The following RAB44 variants were observed in gnomAD, a reference collection of about 807,000 sequenced individuals.
The protein encoded by RAB44 is RAB44, member RAS oncogene family, also known as ras-related protein Rab-44.
Under a neutral mutation model 93.3 loss-of-function variants are expected in RAB44, and 67 were observed. That is an observed-to-expected ratio of 0.72 (90% CI 0.59 to 0.88). The LOEUF (loss-of-function observed/expected upper bound fraction) is 0.88, where lower values mean the gene tolerates loss of function less well. RAB44 is among the 40% of genes least tolerant of loss of function. RAB44 has a pLI of 0.00. For synonymous variants in RAB44, 427 were observed against 520.3 expected (o/e 0.82, Z 2.44); for missense variants, 1,064 against 1,261.7 (o/e 0.84, Z 2.37).
Position 36,730,759 on chromosome 6 carries a change from G to GGCCGGCCCC in RAB44, c.2975+10_2975+11insGCCGGCCCC. On this transcript the variant is annotated intron_variant, in intron 13 of 13. Coordinates refer to ENST00000612677, the MANE Select transcript of RAB44 (RefSeq NM_001257357.2). ...TAGTAAACCTGGCCAGGTAAGTGCTGCCCGCCCCCCGCCGCCCCCACCCCC... is the reference window on the plus strand; with the variant it reads ...TAGTAAACCTGGCCAGGTAAGTGCTGGCCGGCCCCCCCGCCCCCCGCCGCCCCCACCCCC... 8.3e-7 allele frequency: 1 copy of GGCCGGCCCC among 1,203,334 alleles called. No homozygotes were observed. The highest frequency in any genetic ancestry group is 1.0e-6 in the Non-Finnish European group (1 of 974,732). The allele number at this position is 1,203,334 out of a possible 1,614,324, so 74.5% of individuals were successfully genotyped here.
rs1763077893 is a variant in RAB44 at position 36,721,469 on chromosome 6, T to G, written c.1335T>G (p.Asn445Lys). Reference protein sequence around the residue: ...PPGVTFSAKDNKGVDPHEQDI... With the variant: ...PPGVTFSAKDKKGVDPHEQDI... ...GGGTGACTTTCAGCGCCAAGGACAA[T>G]AAAGGAGTGGACCCACATGAGCAGG... Residue 445 changes from asparagine (N) to lysine (K), a missense_variant, in exon 9 of 14, where the codon AAT becomes AAG. Coordinates refer to ENST00000612677, the MANE Select transcript of RAB44 (RefSeq NM_001257357.2). 3.2e-6 allele frequency: 4 copies of G among 1,234,080 alleles called. No homozygotes were observed. Among genetic ancestry groups the G allele is most frequent in the Non-Finnish European group, 4.0e-6 (4 of 988,238 alleles). The allele number at this position is 1,234,080 out of a possible 1,614,324, so 76.4% of individuals were successfully genotyped here. A position where few individuals can be genotyped will look rare whatever the true frequency, so the allele number is the denominator to read the frequency against.
intron 4 of RAB44, among the ~76,000 whole-genome samples, chr6:36,716,879 C>A (rs1436588472): frequency 3.3e-5 from 5 of 152,160 alleles, no homozygotes; most frequent in African/African-American, 1.2e-4. Flanking sequence ...TCCCCAGTGA[C>A]CTTGCTTGGC....
At chr6:36,718,408 G>T (rs1175330368) in intron 6 of RAB44, 85 bp from the exon 7 acceptor site, 40 of 667,908 alleles carry the variant, frequency 6.0e-5, no homozygotes, top group Non-Finnish European at 2.1e-6. Flanking sequence ...ACCCCAGGTG[G>T]TGGAGGTGGA....
rs1340385075 is a variant in RAB44 at position 36,721,577 on chromosome 6, C to T, written c.1443C>T (p.Leu481=). 3.2e-6 allele frequency: 4 copies of T among 1,234,498 alleles called. No individual in the cohort carries two copies. The African/African-American group carries it at 6.2e-5, about 19-fold the overall frequency. The allele number at this position is 1,234,498 out of a possible 1,614,324, so 76.5% of individuals were successfully genotyped here. ...EPGSTPEGRL[L]WGLSGSLVAP... is the part of the protein sequence containing the mutation. The stretch of plus-strand genomic sequence containing the variant: ...GGTCCACACCCGAGGGCCGCCTCCT[C>T]TGGGGTCTCTCAGGAAGCCTGGTGG... Residue 481 remains leucine, a synonymous_variant, in exon 9 of 14, where the codon CTC becomes CTT. Coordinates refer to ENST00000612677, the MANE Select transcript of RAB44 (RefSeq NM_001257357.2).
intron 1 of RAB44, among the ~76,000 whole-genome samples, chr6:36,698,765 A>T (rs2395657): frequency 0.12 from 17,490 of 152,056 alleles, 1,083 homozygotes; most frequent in South Asian, 0.19. Context: ...GCATTTGCAC[A>T]TGCAGAATGG....
chr6:36,707,796 A>T (rs1030289973), intron 2 of RAB44, among the ~76,000 whole-genome samples: 1 of 152,230 alleles, frequency 6.6e-6, no homozygotes, highest in African/African-American at 2.4e-5. Context: ...GAAAGGAGAA[A>T]CATGTCCAGT....
At chr6:36,702,116 A>G (rs1176025847) in intron 1 of RAB44, among the ~76,000 whole-genome samples, 2 of 151,952 alleles carry the variant, frequency 1.3e-5, no homozygotes, top group Non-Finnish European at 2.9e-5. Flanking sequence ...GACCTGATTC[A>G]TGGCATTTGC....
intron 1 of RAB44, among the ~76,000 whole-genome samples, chr6:36,698,844 G>A (rs1762445682): frequency 6.6e-6 from 1 of 152,074 alleles, no homozygotes; most frequent in Non-Finnish European, 1.5e-5. Context: ...TGGAGGGTGA[G>A]GATGATGGCC....
Position 36,722,084 on chromosome 6 carries a change from A to G in RAB44, c.1950A>G (p.Arg650=). ...AGGAGGGCCTTCCTGAGGGGCTAAG[A>G]GAAGCTCATGGCCAGGTCCTTGGGC... is the stretch of plus-strand genomic sequence containing the variant. ...AVQEGLPEGL[R]EAHGQVLGLG... The change falls in exon 9 of 14, where the codon AGA becomes AGG. Residue 650 remains arginine (R), a synonymous_variant. Transcript: ENST00000612677. 1 of 1,230,884 alleles carries G rather than the reference A, an allele frequency of 8.1e-7. No homozygotes were observed. The allele number at this position is 1,230,884 out of a possible 1,614,324, so 76.2% of individuals were successfully genotyped here.
At chr6:36,721,024 C>A in intron 8 of RAB44, 127 bp from the exon 9 acceptor site, 2 of 882,464 alleles carry the variant, frequency 2.3e-6, no homozygotes, top group South Asian at 6.0e-5. Context: ...AGAAAGATTG[C>A]CTGAGCAAGG....
chr6:36,705,880 T>A (rs1036972324), intron 2 of RAB44, among the ~76,000 whole-genome samples: 2 of 151,448 alleles, frequency 1.3e-5, no homozygotes, highest in African/African-American at 4.9e-5. Flanking sequence ...ATCTTATGTA[T>A]GAAATTTGGA....
Position 36,705,431 on chromosome 6 carries a change from G to A in RAB44, c.207+989G>A, listed in dbSNP as rs148915529. On this transcript the variant is annotated intron_variant, in intron 2 of 13. Coordinates refer to ENST00000612677, the MANE Select transcript of RAB44 (RefSeq NM_001257357.2). ...CCCTTCCTTCCTTCCTTCTCAGCTC[G>A]ATCTCAGAGGCACGATCTCAGCTCA... Among the ~76,000 whole-genome samples, 803 of 115,200 alleles carry A rather than the reference G, an allele frequency of 7.0e-3. 9 individuals carry two copies. The Middle Eastern group carries it at 0.071, about 10-fold the overall frequency. The allele number at this position is 115,200 out of a possible 152,430, so 75.6% of individuals were successfully genotyped here.
rs1763073955 is a variant in RAB44 at position 36,721,344 on chromosome 6, C to A, written c.1210C>A (p.Pro404Thr). Residue 404 changes from proline (P) to threonine (T), a missense_variant, in exon 9 of 14, where the codon CCC becomes ACC. By Grantham distance (38) the Pro-to-Thr change is conservative (BLOSUM62 -1). Transcript: ENST00000612677. ...TPRATSGPQTPRVVRQISISE... is the reference protein window; with the variant it reads ...TPRATSGPQTTRVVRQISISE... ...AAGAGCCACCTCAGGCCCCCAGACACCCCGTGTGGTCAGGCAGATCTCCAT... is the reference window on the plus strand; with the variant it reads ...AAGAGCCACCTCAGGCCCCCAGACAACCCGTGTGGTCAGGCAGATCTCCAT... 2.4e-6 allele frequency: 3 copies of A among 1,234,116 alleles called. No individual in the cohort carries two copies. The highest frequency in any genetic ancestry group is 3.0e-6 in the Non-Finnish European group (3 of 988,154). 76.4% of individuals were successfully genotyped at this position (1,234,116 alleles called of 1,614,324 possible).
chr6:36,716,636 C>A (rs1447926292), intron 4 of RAB44, among the ~76,000 whole-genome samples: 1 of 151,968 alleles, frequency 6.6e-6, no homozygotes, highest in Non-Finnish European at 1.5e-5. Flanking sequence ...ATTCCTCACG[C>A]TTGGCTCCCG....
At chr6:36,710,261 G>C (rs907254855) in intron 2 of RAB44, among the ~76,000 whole-genome samples, 1 of 152,014 alleles carries the variant, frequency 6.6e-6, no homozygotes, top group Admixed American at 6.6e-5. Flanking sequence ...CTATAACTTT[G>C]ATTACTCTAG....
intron 6 of RAB44, 54 bp from the exon 7 acceptor site, chr6:36,718,439 C>A: frequency 1.0e-6 from 1 of 982,656 alleles, no homozygotes; most frequent in Non-Finnish European, 1.3e-6. Flanking sequence ...GGCTGGCCTG[C>A]CTGGCTAGCT....
At chr6:36,716,866 C>T (rs1376172953) in intron 4 of RAB44, among the ~76,000 whole-genome samples, 1 of 152,224 alleles carries the variant, frequency 6.6e-6, no homozygotes, top group African/African-American at 2.4e-5. Context: ...AGGTGTTTCT[C>T]ATTCCCCAGT....
chr6:36,706,328 G>C (rs1376468954), intron 2 of RAB44, among the ~76,000 whole-genome samples: 1 of 152,216 alleles, frequency 6.6e-6, no homozygotes, highest in East Asian at 1.9e-4. Flanking sequence ...GGGCAAACTA[G>C]GATGAGTTGG....
In RAB44 at chr6:36,725,963, A is replaced by T; in HGVS notation, c.2681+20A>T. 3.2e-6 allele frequency: 5 copies of T among 1,541,358 alleles called. No individual in the cohort carries two copies. The highest frequency in any genetic ancestry group is 4.4e-6 in the Non-Finnish European group (5 of 1,138,606). On this transcript the variant is annotated intron_variant, in intron 10 of 13. Transcript: ENST00000612677. ...AGAGAGGTAACAGGCACTGTATATC[A>T]GTGTGTCAGGAACCTAGGCTGAGCG... is the stretch of plus-strand genomic sequence containing the variant.
Sources: gnomAD v4.1 joint callset for allele counts (sites outside exome capture counted in the v4.1 genomes callset) on GRCh38, gnomAD v4.1.1 for gene constraint, MANE v1.5 for transcripts, NCBI Gene and HGNC (gene_info 2026-07-23, HGNC 2026-07-21) for gene names.